Variants in ZBTB20 observed in about 807,000 individuals in gnomAD.
The protein encoded by ZBTB20 is zinc finger and BTB domain-containing protein 20.
A neutral mutation model predicts 56.9 loss-of-function variants in ZBTB20; 9 were observed. That is an observed-to-expected ratio of 0.16 (90% CI 0.10 to 0.28). The LOEUF is 0.28. Ranked by LOEUF, ZBTB20 falls within the 10% of genes least tolerant of loss-of-function variation. The probability of loss-of-function intolerance (pLI) is 1.00; values close to 1 mark genes in which losing one functional copy is unlikely to be tolerated. For missense variants in ZBTB20, 655 were observed against 1,003.0 expected (o/e 0.65, Z 4.69); for synonymous variants, 417 against 420.7 (o/e 0.99, Z 0.11).
In ZBTB20 at chr3:114,532,791, G is replaced by A. The variant is rs142780428; in HGVS notation, c.-294-32400C>T. 1.7e-3 allele frequency among the ~76,000 whole-genome samples: 265 copies of A among 152,242 alleles called. 1 individual carries two copies. Among genetic ancestry groups the A allele is most frequent in the African/African-American group, 6.1e-3 (254 of 41,558 alleles). On this transcript the variant is annotated intron_variant, in intron 6 of 11. Transcript: ENST00000675478. ...TCTGGGATGAAGCTTCCAGAGGAAGGAACCGGTAGCATTGTTTGCTGTTCT... is the reference window on the plus strand; with the variant it reads ...TCTGGGATGAAGCTTCCAGAGGAAGAAACCGGTAGCATTGTTTGCTGTTCT...
chr3:115,090,889 A>G (rs962878409), intron 1 of ZBTB20, among the ~76,000 whole-genome samples: 3 of 151,922 alleles, frequency 2.0e-5, no homozygotes, highest in African/African-American at 7.2e-5. Flanking sequence ...TGAAACCTCT[A>G]GATGTAAATT....
chr3:115,111,991 T>C (rs2083894545), intron 1 of ZBTB20, among the ~76,000 whole-genome samples: 1 of 152,134 alleles, frequency 6.6e-6, no homozygotes, highest in Non-Finnish European at 1.5e-5. Flanking sequence ...CTCAAGAAAT[T>C]GATTCTCCGA....
At chr3:114,983,128 C>T (rs2078396321) in intron 2 of ZBTB20, among the ~76,000 whole-genome samples, 1 of 151,968 alleles carries the variant, frequency 6.6e-6, no homozygotes, top group Admixed American at 6.6e-5. Context: ...AGAAATTATA[C>T]TGTCTCACCC....
At chr3:114,813,964 C>T (rs1200933627) in intron 4 of ZBTB20, among the ~76,000 whole-genome samples, 2 of 151,954 alleles carry the variant, frequency 1.3e-5, no homozygotes, top group African/African-American at 4.8e-5. Flanking sequence ...TACAAAGAAG[C>T]ATTTCTATAA....
intron 4 of ZBTB20, among the ~76,000 whole-genome samples, chr3:114,819,033 G>A (rs990169498): frequency 1.3e-5 from 2 of 151,954 alleles, no homozygotes; most frequent in Non-Finnish European, 1.5e-5. Context: ...TTTTACAGTG[G>A]GTTTATCAGA....
chr3:114,809,724 C>A (rs918033794), intron 4 of ZBTB20, among the ~76,000 whole-genome samples: 1 of 152,022 alleles, frequency 6.6e-6, no homozygotes, highest in African/African-American at 2.4e-5. Context: ...CTTTTAACCA[C>A]TTCTTAAATT....
At chr3:114,546,631 G>A (rs993961454) in intron 6 of ZBTB20, among the ~76,000 whole-genome samples, 1 of 150,542 alleles carries the variant, frequency 6.6e-6, no homozygotes, top group African/African-American at 2.5e-5. Flanking sequence ...CCTTTGGCAT[G>A]AAGAAGTCAG....
chr3:114,563,928 C>T (rs1016853092), intron 6 of ZBTB20, among the ~76,000 whole-genome samples: 3 of 152,164 alleles, frequency 2.0e-5, no homozygotes, highest in African/African-American at 4.8e-5. Flanking sequence ...GCTGCTGTAA[C>T]AAATTAGCAC....
At chr3:115,111,778 A>C (rs2108627830) in intron 1 of ZBTB20, among the ~76,000 whole-genome samples, 1 of 152,330 alleles carries the variant, frequency 6.6e-6, no homozygotes, top group East Asian at 1.9e-4. Flanking sequence ...GCTCAGTGGC[A>C]GTCAAAATAT....
intron 1 of ZBTB20, among the ~76,000 whole-genome samples, chr3:115,143,585 A>C (rs2084880325): frequency 6.6e-6 from 1 of 152,228 alleles, no homozygotes; most frequent in South Asian, 2.1e-4. Flanking sequence ...AATCCCAACC[A>C]AAAATTAACA....
intron 7 of ZBTB20, among the ~76,000 whole-genome samples, chr3:114,421,005 T>C (rs1416718424): frequency 6.6e-6 from 1 of 152,118 alleles, no homozygotes; most frequent in Non-Finnish European, 1.5e-5. Context: ...TGCTAAAGAC[T>C]TGGAGTCAAA....
At chr3:114,465,706 TAA>T (rs935402317) in intron 7 of ZBTB20, among the ~76,000 whole-genome samples, 3 of 140,506 alleles carry the variant, frequency 2.1e-5, no homozygotes, top group Admixed American at 7.1e-5. Flanking sequence ...GATTCTGTCT[TAA>T]AAAAAAAAAA....
chr3:114,572,123 T>C (rs934883354), intron 6 of ZBTB20, among the ~76,000 whole-genome samples: 4 of 152,174 alleles, frequency 2.6e-5, no homozygotes, highest in African/African-American at 9.7e-5. Flanking sequence ...AAAACTGAAA[T>C]TCAGAGAGAC....
At chr3:114,484,973 T>G (rs952304132) in intron 7 of ZBTB20, among the ~76,000 whole-genome samples, 2 of 152,202 alleles carry the variant, frequency 1.3e-5, no homozygotes, top group African/African-American at 4.8e-5. Flanking sequence ...ACTTTGATCT[T>G]TTAAATTTGC....
intron 2 of ZBTB20, among the ~76,000 whole-genome samples, chr3:114,979,126 C>G (rs891106383): frequency 6.6e-6 from 1 of 151,888 alleles, no homozygotes; most frequent in African/African-American, 2.4e-5. Flanking sequence ...TCCTAGCAAC[C>G]AAATTTTAAC....
intron 5 of ZBTB20, among the ~76,000 whole-genome samples, chr3:114,714,906 A>G (rs2064356320): frequency 6.6e-6 from 1 of 152,218 alleles, no homozygotes; most frequent in Non-Finnish European, 1.5e-5. Context: ...CAGACCAACA[A>G]TTTAGAAGAC....
chr3:114,898,543 A>C (rs2074980816), intron 4 of ZBTB20, among the ~76,000 whole-genome samples: 1 of 152,116 alleles, frequency 6.6e-6, no homozygotes, highest in South Asian at 2.1e-4. Context: ...ACAAGTAATA[A>C]GATTTTAGGA....
intron 4 of ZBTB20, among the ~76,000 whole-genome samples, chr3:114,828,034 G>T (rs2073634687): frequency 6.6e-6 from 1 of 151,574 alleles, no homozygotes; most frequent in South Asian, 2.1e-4. Context: ...AAGATTAAAT[G>T]GGGATTAACT....
intron 6 of ZBTB20, among the ~76,000 whole-genome samples, chr3:114,654,162 T>C (rs2060273034): frequency 6.6e-6 from 1 of 151,916 alleles, no homozygotes; most frequent in Admixed American, 6.5e-5. Flanking sequence ...AAAATGATTA[T>C]ACTTTCCCAC....
Sources: allele counts gnomAD v4.1 joint callset (sites outside exome capture counted in the v4.1 genomes callset), GRCh38; gene constraint gnomAD v4.1.1; transcripts MANE v1.5; gene names NCBI Gene and HGNC (gene_info 2026-07-23, HGNC 2026-07-21).